Variants in CFH observed in about 807,000 individuals in gnomAD.
CFH encodes the protein H factor 1 (complement).
A neutral mutation model predicts 147.3 loss-of-function variants in CFH; 53 were observed. That is an observed-to-expected ratio of 0.36 (90% confidence interval 0.29 to 0.45). The LOEUF (loss-of-function observed/expected upper bound fraction) is 0.45. Among genes scored for constraint, CFH ranks in the 20% least tolerant of loss-of-function variants. The pLI, the probability that CFH is intolerant of heterozygous loss-of-function variation, is 1.00. For missense variants in CFH, 1,380 were observed against 1,498.0 expected, an observed-to-expected ratio of 0.92 and a Z score of 1.30; for synonymous variants, 536 against 489.4, an observed-to-expected ratio of 1.10 and a Z score of -1.26.
intron 9 of CFH, chr1:196,701,465 G>C: frequency 7.4e-7 from 1 of 1,346,466 alleles, no homozygotes; most frequent in South Asian, 1.2e-5. Context: ...TTTGTTATGT[G>C]TGTATTATTC....
chr1:196,666,546 G>C (rs1040748826), intron 1 of CFH, among the ~76,000 whole-genome samples: 6 of 151,864 alleles, frequency 4.0e-5, no homozygotes, highest in Admixed American at 6.6e-5. Context: ...CAGCACTTTG[G>C]GAGGCCGAGG....
chr1:196,714,656 TATATATATATATAGAGAG>T lies in CFH; in HGVS notation c.1519+741_1519+758del, dbSNP rs1172693035. On this transcript the variant is annotated intron_variant, in intron 10 of 21. Transcript: ENST00000367429. ...ATATGTATATATATATATATATATA[TATATATATATATAGAGAG>T]AGAGAGAGAGAGAGAGAGAGAGAGA... Among the ~76,000 whole-genome samples the T allele has an allele frequency of 6.3e-4, 31 of 49,336 alleles. No homozygotes were observed. In the East Asian group the frequency reaches 7.2e-3, roughly 12 times the overall value. 32.4% of individuals were successfully genotyped at this position (49,336 alleles called of 152,430 possible).
rs959969756 is a variant in CFH, at chr1:196,692,318, T to A, written c.1336+2079T>A. 3 of 548,642 alleles carry A rather than the reference T, an allele frequency of 5.5e-6. No homozygotes were observed. The African/African-American group carries it at 6.1e-5, about 11-fold the overall frequency. 34.0% of individuals were successfully genotyped at this position (548,642 alleles called of 1,614,324 possible). On this transcript the variant is annotated intron_variant, in intron 9 of 21. Coordinates refer to ENST00000367429, the MANE Select transcript of CFH (RefSeq NM_000186.4). ...AAATCTTTTTGCTTCATCAGTCTCTTTTTTGTCTCATCATTCAGTGTCAGA... is the reference window on the plus strand; with the variant it reads ...AAATCTTTTTGCTTCATCAGTCTCTATTTTGTCTCATCATTCAGTGTCAGA...
At position 196,713,881 on chromosome 1, in the gene CFH, G is replaced by T; in HGVS notation, c.1483G>T (p.Gly495Trp). Residue 495 changes from glycine to tryptophan, a missense_variant, in exon 10 of 22, where the codon GGG becomes TGG. Transcript: ENST00000367429. ...TGAAACATCAGGATCAATTACATGT[G>T]GGAAAGATGGATGGTCAGCTCAACC... ...DGETSGSITC[G>W]KDGWSAQPTC... 6.2e-7 allele frequency: 1 copy of T among 1,612,562 alleles called. No homozygotes were observed. Among genetic ancestry groups the T allele is most frequent in the Non-Finnish European group, 8.5e-7 (1 of 1,179,092 alleles).
chr1:196,712,234 T>C (rs759644198), intron 9 of CFH, among the ~76,000 whole-genome samples: 2 of 152,096 alleles, frequency 1.3e-5, no homozygotes, highest in Non-Finnish European at 2.9e-5. Context: ...TACTTGATTA[T>C]TCTTGCCTGG....
intron 9 of CFH, among the ~76,000 whole-genome samples, chr1:196,692,905 T>TCCCTC (rs1558163983): frequency 1.8e-5 from 2 of 113,576 alleles, no homozygotes; most frequent in African/African-American, 7.9e-5. Context: ...CTCCCTCCCT[T>TCCCTC]CCTTCCTTCC....
chr1:196,702,088 AC>A (rs1668471154), intron 9 of CFH, among the ~76,000 whole-genome samples: 1 of 152,060 alleles, frequency 6.6e-6, no homozygotes, highest in Admixed American at 6.6e-5. Flanking sequence ...GAAATTAAAG[AC>A]TGTTTGGACT....
In CFH at chr1:196,713,841, T is replaced by C. The variant is rs936636209; in HGVS notation, c.1443T>C (p.Tyr481=). 5.6e-6 allele frequency: 9 copies of C among 1,612,818 alleles called. No homozygotes were observed. Among genetic ancestry groups the C allele is most frequent in the African/African-American group, 2.7e-5 (2 of 74,964 alleles). Reference sequence around the variant, plus strand: ...CGAAATATCAATGCAAACTAGGATATGTAACAGCAGATGGTGAAACATCAG... The same window carrying C: ...CGAAATATCAATGCAAACTAGGATACGTAACAGCAGATGGTGAAACATCAG... ...EKAKYQCKLG[Y]VTADGETSGS... The change falls in exon 10 of 22, where the codon TAT becomes TAC. Residue 481 remains tyrosine, a synonymous_variant. Transcript: ENST00000367429.
chr1:196,722,593 C>A (rs1171133450), intron 11 of CFH, among the ~76,000 whole-genome samples: 2 of 152,094 alleles, frequency 1.3e-5, no homozygotes. Context: ...ATGCATCTTC[C>A]TGGTGTTATC....
rs1668742259 is a variant in CFH, at chr1:196,712,373, A to G, written c.1337-1362A>G. Among the ~76,000 whole-genome samples the G allele has an allele frequency of 1.3e-5, 2 of 151,406 alleles. 1 individual carries two copies. Among genetic ancestry groups the G allele is most frequent in the South Asian group, 4.1e-4 (2 of 4,828 alleles). Reference sequence around the variant, plus strand: ...TTCTTTGTTATAATTTATTATAAATAATAATTTATTTTCAGTTTTTATTCT... The same window carrying G: ...TTCTTTGTTATAATTTATTATAAATGATAATTTATTTTCAGTTTTTATTCT... On this transcript the variant is annotated intron_variant, in intron 9 of 21. Transcript: ENST00000367429.
In CFH at chr1:196,728,522, A is replaced by T; in HGVS notation, c.2413A>T (p.Met805Leu). ...GRWDPEVNCS[M>L]AQIQLCPPPP... is the part of the protein sequence containing the mutation. Reference sequence around the variant, plus strand: ...ATGGGATCCAGAAGTGAACTGCTCAAGTAAGCTCTTATTTTGTTTTCAGAA... The same window carrying T: ...ATGGGATCCAGAAGTGAACTGCTCATGTAAGCTCTTATTTTGTTTTCAGAA... Residue 805 changes from methionine (M) to leucine (L), a missense_variant and splice_region_variant, in exon 15 of 22, where the codon ATG becomes TTG. This residue lies in a region of CFH where 830 missense variants were observed against 821.4 expected (regional missense o/e 1.01). Transcript: ENST00000367429. 1 of 1,612,398 alleles carries T rather than the reference A, an allele frequency of 6.2e-7. No homozygotes were observed. Among genetic ancestry groups the T allele is most frequent in the Admixed American group, 1.7e-5 (1 of 59,936 alleles).
At chr1:196,705,635 A>C (rs1668568374) in intron 9 of CFH, among the ~76,000 whole-genome samples, 1 of 152,174 alleles carries the variant, frequency 6.6e-6, no homozygotes, top group Non-Finnish European at 1.5e-5. Context: ...GACTTGGGGA[A>C]TATCATGAGG....
At chr1:196,713,709 C>A in intron 9 of CFH, 26 bp from the exon 10 acceptor site, 2 of 1,432,866 alleles carry the variant, frequency 1.4e-6, no homozygotes, top group Non-Finnish European at 2.0e-6. Context: ...ATATGCTTGT[C>A]TTTTTCTTAT....
intron 19 of CFH, 65 bp from the exon 20 acceptor site, chr1:196,743,387 G>C: frequency 6.4e-7 from 1 of 1,568,238 alleles, no homozygotes; most frequent in Non-Finnish European, 8.7e-7. Context: ...ATTTGTAACT[G>C]TTATCAGTTG....
chr1:196,710,087 C>A (rs953755336), intron 9 of CFH, among the ~76,000 whole-genome samples: 1 of 151,854 alleles, frequency 6.6e-6, no homozygotes, highest in African/African-American at 2.4e-5. Flanking sequence ...TCTAAAGAGC[C>A]CAGCAAAAAG....
At chr1:196,668,275 T>C (rs1042243053) in intron 1 of CFH, among the ~76,000 whole-genome samples, 1 of 152,216 alleles carries the variant, frequency 6.6e-6, no homozygotes, top group Non-Finnish European at 1.5e-5. Context: ...TCTGCTTTTG[T>C]TTGCTTAAGA....
chr1:196,729,995 G>T (rs1032916410), intron 15 of CFH, among the ~76,000 whole-genome samples: 2 of 150,982 alleles, frequency 1.3e-5, no homozygotes, highest in Non-Finnish European at 3.0e-5. Flanking sequence ...AGTTATTCTG[G>T]TTAAAGCTTT....
chr1:196,720,882 C>T (rs1668982036), intron 11 of CFH, among the ~76,000 whole-genome samples: 1 of 151,868 alleles, frequency 6.6e-6, no homozygotes, highest in South Asian at 2.1e-4. Context: ...AATGTCCATT[C>T]TGTTTTCCAT....
In CFH at chr1:196,747,502, T is replaced by G. The variant is rs1653059309; in HGVS notation, c.*189T>G. Reference sequence around the variant, plus strand: ...AGCACCATATTAAATCCTGGAAAACTAACGGTTGTGTCCAGTTCATAAAAT... The same window carrying G: ...AGCACCATATTAAATCCTGGAAAACGAACGGTTGTGTCCAGTTCATAAAAT... On this transcript the variant is annotated 3_prime_UTR_variant, in exon 22 of 22. Coordinates refer to ENST00000367429, the MANE Select transcript of CFH (RefSeq NM_000186.4). 2.4e-6 allele frequency: 2 copies of G among 819,906 alleles called. No homozygotes were observed. Among genetic ancestry groups the G allele is most frequent in the Non-Finnish European group, 3.9e-6 (2 of 516,434 alleles). 50.8% of individuals were successfully genotyped at this position (819,906 alleles called of 1,614,324 possible).
Sources: gnomAD v4.1 joint callset for allele counts (sites outside exome capture counted in the v4.1 genomes callset) on GRCh38, gnomAD v4.1.1 for gene constraint, gnomAD v4.1.1 regional missense constraint, MANE v1.5 for transcripts, NCBI Gene and HGNC (gene_info 2026-07-23, HGNC 2026-07-21) for gene names.